COL28A1: variants seen among roughly 807,000 people sequenced by gnomAD.
COL28A1 encodes collagen alpha-1(XXVIII) chain.
A neutral mutation model predicts 150.2 loss-of-function variants in COL28A1; 161 were observed. That is an observed-to-expected ratio of 1.07 (90% CI 0.94 to 1.22). The LOEUF (loss-of-function observed/expected upper bound fraction) is 1.22. Ranked by LOEUF, COL28A1 falls within the 50% of genes most tolerant of loss-of-function variation. COL28A1 has a pLI of 0.00. For missense variants in COL28A1, 1,617 were observed against 1,388.3 expected (o/e 1.16, Z -2.62); for synonymous variants, 552 against 469.7 (o/e 1.18, Z -2.26).
At position 7,505,157 on chromosome 7, in the gene COL28A1, C is replaced by T. The variant is rs139146844; in HGVS notation, c.1026+857G>A. ...TCATTATCTCATTAAAAATATTATACTGTCACTCTCTTTCCTCTCTCTCAA... is the reference window on the plus strand; with the variant it reads ...TCATTATCTCATTAAAAATATTATATTGTCACTCTCTTTCCTCTCTCTCAA... On this transcript the variant is annotated intron_variant, in intron 11 of 34. Transcript: ENST00000399429. Among the ~76,000 whole-genome samples, 909 of 152,288 alleles carry T rather than the reference C, an allele frequency of 6.0e-3. 6 individuals are homozygous for T. The highest frequency in any genetic ancestry group is 0.015 in the South Asian group (70 of 4,822).
chr7:7,486,316 C>T (rs1583483432), intron 13 of COL28A1, among the ~76,000 whole-genome samples: 1 of 152,146 alleles, frequency 6.6e-6, no homozygotes, highest in African/African-American at 2.4e-5. Flanking sequence ...GCTGAACTCA[C>T]TTGTTAATTC....
At chr7:7,537,726 A>T (rs957318014), upstream of COL28A1, among the ~76,000 whole-genome samples, 2 of 152,204 alleles carry the variant, frequency 1.3e-5, no homozygotes. Context: ...GGCTTTGGTA[A>T]CAGAAAGAAG....
chr7:7,355,144 C>A (rs2128275549), downstream of COL28A1, among the ~76,000 whole-genome samples: 1 of 152,196 alleles, frequency 6.6e-6, no homozygotes, highest in Non-Finnish European at 1.5e-5. Flanking sequence ...ATATTAGCAA[C>A]ACAAATAATT....
chr7:7,367,646 A>G (rs1326285078), intron 33 of COL28A1, among the ~76,000 whole-genome samples: 2 of 152,048 alleles, frequency 1.3e-5, no homozygotes, highest in African/African-American at 4.8e-5. Flanking sequence ...AGAAAGCTTC[A>G]TATGTCCTAG....
intron 23 of COL28A1, among the ~76,000 whole-genome samples, chr7:7,435,254 C>A (rs564463851): frequency 6.6e-6 from 1 of 152,322 alleles, no homozygotes; most frequent in South Asian, 2.1e-4. Flanking sequence ...TGTGAATACA[C>A]AGCTTCAATC....
In COL28A1 at chr7:7,491,810, C is replaced by T. The variant is rs866732746; in HGVS notation, c.1027-1164G>A. 9.9e-5 allele frequency among the ~76,000 whole-genome samples: 15 copies of T among 152,280 alleles called. 1 individual carries two copies. The highest frequency in any genetic ancestry group is 7.8e-4 in the Admixed American group (12 of 15,296). On this transcript the variant is annotated intron_variant, in intron 11 of 34. Coordinates refer to ENST00000399429, the MANE Select transcript of COL28A1 (RefSeq NM_001037763.3). Reference sequence around the variant, plus strand: ...ATAGGGGAAGGGGAGTGGCTATTGACCCCAATTACCCATTTCATAATATTA... The same window carrying T: ...ATAGGGGAAGGGGAGTGGCTATTGATCCCAATTACCCATTTCATAATATTA...
At chr7:7,489,519 A>G in intron 12 of COL28A1, 62 bp from the exon 13 acceptor site, 1 of 866,464 alleles carries the variant, frequency 1.2e-6, no homozygotes, top group Non-Finnish European at 2.0e-6. Flanking sequence ...AACATAGCGC[A>G]AAGTTCTCTC....
chr7:7,521,340 T>C (rs945961911), intron 5 of COL28A1, among the ~76,000 whole-genome samples: 1 of 152,236 alleles, frequency 6.6e-6, no homozygotes, highest in African/African-American at 2.4e-5. Context: ...TCCTGGATTA[T>C]CTTATCAAAC....
intron 27 of COL28A1, among the ~76,000 whole-genome samples, chr7:7,401,637 C>T (rs573116199): frequency 6.6e-6 from 1 of 152,054 alleles, no homozygotes; most frequent in Non-Finnish European, 1.5e-5. Context: ...AGAATGCAAC[C>T]ACCCCTTATC....
chr7:7,440,808 T>C lies in COL28A1; in HGVS notation c.1704A>G (p.Pro568=). The change falls in exon 21 of 35, where the codon CCA becomes CCG. Residue 568 remains proline (P), a synonymous_variant. Transcript: ENST00000399429. ...SKGNQGQRGL[P]GPEGPKGEPG... ...AACATACCTTTGGTCCTTCGGGCCCTGGAAGTCCCCTCTGTCCTTGATTTC... is the reference window on the plus strand; with the variant it reads ...AACATACCTTTGGTCCTTCGGGCCCCGGAAGTCCCCTCTGTCCTTGATTTC... The C allele has an allele frequency of 1.3e-6, 2 of 1,513,110 alleles. No individual in the cohort carries two copies. The highest frequency in any genetic ancestry group is 1.1e-5 in the South Asian group (1 of 88,142). 93.7% of individuals were successfully genotyped at this position (1,513,110 alleles called of 1,614,324 possible).
Position 7,486,363 on chromosome 7 carries a change from T to G in COL28A1, c.1164+3026A>C, listed in dbSNP as rs186595736. 2.0e-5 allele frequency among the ~76,000 whole-genome samples: 3 copies of G among 152,298 alleles called. No homozygotes were observed. In the East Asian group the frequency reaches 5.8e-4, roughly 29 times the overall value. On this transcript the variant is annotated intron_variant, in intron 13 of 34. Coordinates refer to ENST00000399429, the MANE Select transcript of COL28A1 (RefSeq NM_001037763.3). Reference sequence around the variant, plus strand: ...TGTATAGATTTCTTGGGGTTTTCTATGGAGGCCATCATATCATCTGCAAAT... The same window carrying G: ...TGTATAGATTTCTTGGGGTTTTCTAGGGAGGCCATCATATCATCTGCAAAT...
chr7:7,385,159 C>G (rs1432562653), intron 27 of COL28A1, among the ~76,000 whole-genome samples: 1 of 152,220 alleles, frequency 6.6e-6, no homozygotes, highest in Non-Finnish European at 1.5e-5. Context: ...AACGATATCT[C>G]TTAAGAAAGA....
intron 15 of COL28A1, among the ~76,000 whole-genome samples, chr7:7,474,271 G>A (rs1788694672): frequency 1.3e-5 from 2 of 151,738 alleles, no homozygotes; most frequent in Admixed American, 6.6e-5. Context: ...AAGACACAGA[G>A]GACTTTGAGG....
intron 27 of COL28A1, among the ~76,000 whole-genome samples, chr7:7,416,952 T>C (rs1179749703): frequency 6.6e-6 from 1 of 151,960 alleles, no homozygotes; most frequent in Non-Finnish European, 1.5e-5. Flanking sequence ...ATCTCAATCA[T>C]CCAGAGGTGA....
At chr7:7,390,208 T>C (rs1410469846) in intron 27 of COL28A1, among the ~76,000 whole-genome samples, 1 of 152,206 alleles carries the variant, frequency 6.6e-6, no homozygotes, top group East Asian at 1.9e-4. Context: ...TGAAGGGATG[T>C]TGAATTTTGT....
chr7:7,506,091 A>T (rs1336961375), intron 10 of COL28A1, 24 bp from the exon 11 acceptor site: 1 of 1,185,572 alleles, frequency 8.4e-7, no homozygotes, highest in Non-Finnish European at 1.3e-6. Context: ...AAAACCAAGA[A>T]TTAGTTCTGT....
intron 23 of COL28A1, among the ~76,000 whole-genome samples, chr7:7,434,844 C>T (rs1785228054): frequency 1.3e-5 from 2 of 152,154 alleles, no homozygotes; most frequent in Non-Finnish European, 2.9e-5. Context: ...AAGTTATTTA[C>T]TTCAAAGTGT....
chr7:7,356,977 C>T (rs192241468), downstream of COL28A1: 248 of 152,222 alleles, frequency 1.6e-3, 1 homozygote, highest in African/African-American at 5.8e-3. Flanking sequence ...CTCCTTCTTC[C>T]GTGAGTGCTC....
At chr7:7,447,459 T>A (rs1786347396) in intron 18 of COL28A1, among the ~76,000 whole-genome samples, 1 of 151,258 alleles carries the variant, frequency 6.6e-6, no homozygotes, top group South Asian at 2.1e-4. Context: ...AAATAAAAAA[T>A]AGGCGTTCAA....
Sources: allele counts gnomAD v4.1 joint callset (sites outside exome capture counted in the v4.1 genomes callset), GRCh38; gene constraint gnomAD v4.1.1; transcripts MANE v1.5; gene names NCBI Gene and HGNC (gene_info 2026-07-23, HGNC 2026-07-21).